NUP107: variants seen among roughly 807,000 people sequenced by gnomAD.
NUP107 encodes nuclear pore complex protein Nup107.
NUP107 carries 101 observed loss-of-function variants against 141.0 expected under a neutral mutation model. The ratio of observed to expected loss-of-function variants is 0.72; its 90% CI spans 0.61 to 0.84. The LOEUF (loss-of-function observed/expected upper bound fraction) is 0.84. NUP107 is among the 40% of genes least tolerant of loss of function. The pLI is 0.00. For synonymous variants in NUP107, 319 were observed against 363.9 expected (o/e 0.88, Z 1.41); for missense variants, 941 against 1,102.7 (o/e 0.85, Z 2.08).
rs1363601945 is a variant in NUP107, at chr12:68,705,775, G to A, written c.729+2991G>A. 6.7e-6 allele frequency: 5 copies of A among 743,096 alleles called. No individual in the cohort carries two copies. In the African/African-American group the frequency reaches 8.6e-5, roughly 13 times the overall value. 46.0% of individuals were successfully genotyped at this position (743,096 alleles called of 1,614,324 possible). ...CCGAATGGGCAGCAGCAGTTTCCGG[G>A]GTAGCCTGGGTGGAGACTTTGGCAG... On this transcript the variant is annotated intron_variant, in intron 8 of 27. Transcript: ENST00000229179.
At chr12:68,726,651 A>G (rs972941226) in intron 19 of NUP107, 34 bp downstream of exon 19, 2 of 1,263,668 alleles carry the variant, frequency 1.6e-6, no homozygotes, top group Non-Finnish European at 2.3e-6. Flanking sequence ...TCTTCTCTGT[A>G]ATGTTGATGC....
intron 5 of NUP107, among the ~76,000 whole-genome samples, chr12:68,696,405 C>T (rs1389690245): frequency 6.9e-6 from 1 of 144,554 alleles, no homozygotes; most frequent in Non-Finnish European, 1.5e-5. Flanking sequence ...TTATAAAAGA[C>T]TTGTAGCCAT....
rs1875822941 is a variant in NUP107 at position 68,692,075 on chromosome 12, T to C, written c.411T>C (p.Ser137=). The C allele has an allele frequency of 2.5e-6, 4 of 1,610,096 alleles. No homozygotes were observed. In the South Asian group the frequency reaches 3.3e-5, roughly 13 times the overall value. The change falls in exon 5 of 28, where the codon AGT becomes AGC. Residue 137 remains serine, a synonymous_variant. Transcript: ENST00000229179. ...GTATAACAGAAGATGTAACTATCAG[T>C]GCTGTTATGTTACGTGAGGATGATC... ...PHSITEDVTI[S]AVMLREDDPG...
chr12:68,736,138 G>C (rs1348390214), intron 26 of NUP107, among the ~76,000 whole-genome samples: 2 of 152,220 alleles, frequency 1.3e-5, no homozygotes, highest in Non-Finnish European at 2.9e-5. Context: ...GACCTGAGGA[G>C]CTGTCTGAGA....
chr12:68,744,326 A>T lies in NUP107; in HGVS notation c.*1864A>T, dbSNP rs887808245. ...CCCACTAAGGTTGTGGAATTACAAA[A>T]TTCCTTCAACCTTAGACTCTTAATT... On this transcript the variant is annotated 3_prime_UTR_variant, in exon 28 of 28. Coordinates refer to ENST00000229179, the MANE Select transcript of NUP107 (RefSeq NM_020401.4). The T allele has an allele frequency of 6.6e-6, 1 of 152,206 alleles. No homozygotes were observed. The highest frequency in any genetic ancestry group is 1.5e-5 in the Non-Finnish European group (1 of 68,028). 9.4% of individuals were successfully genotyped at this position (152,206 alleles called of 1,614,324 possible).
chr12:68,713,912 T>C, intron 11 of NUP107, 104 bp downstream of exon 11: 1 of 802,524 alleles, frequency 1.2e-6, no homozygotes. Context: ...TCTAAAGGTT[T>C]GCACACACTA....
chr12:68,721,308 TGATAGA>T (rs1394033950), intron 15 of NUP107, 131 bp downstream of exon 15: 1 of 538,190 alleles, frequency 1.9e-6, no homozygotes, highest in Middle Eastern at 5.0e-4. Flanking sequence ...AGTGTAGCAA[TGATAGA>T]GATAATCATG....
chr12:68,728,421 CTTT>C (rs775566595), intron 20 of NUP107, among the ~76,000 whole-genome samples: 3 of 112,480 alleles, frequency 2.7e-5, no homozygotes, highest in Admixed American at 1.0e-4. Context: ...GAAAACCTGT[CTTT>C]TTTTTTTTTT....
Position 68,734,842 on chromosome 12 carries a change from A to T in NUP107, c.2388+9A>T. 6.2e-7 allele frequency: 1 copy of T among 1,611,044 alleles called. No homozygotes were observed. The highest frequency in any genetic ancestry group is 8.5e-7 in the Non-Finnish European group (1 of 1,179,148). ...AAGAAAAGAAATATGAAGTAAGTTA[A>T]ATATGGATCTAGGATGTGCCTACTG... is the stretch of plus-strand genomic sequence containing the variant. On this transcript the variant is annotated intron_variant, in intron 25 of 27. Transcript: ENST00000229179.
Position 68,745,037 on chromosome 12 carries a change from G to A in NUP107, c.*2575G>A, listed in dbSNP as rs1878471109. On this transcript the variant is annotated 3_prime_UTR_variant, in exon 28 of 28. Coordinates refer to ENST00000229179, the MANE Select transcript of NUP107 (RefSeq NM_020401.4). ...GCATTGCATGAAGGCTACAAAGTTG[G>A]AACAGGCATGTCCTGGGTGTGAAAG... The A allele has an allele frequency of 6.6e-6, 1 of 152,208 alleles. No individual in the cohort carries two copies. Among genetic ancestry groups the A allele is most frequent in the Admixed American group, 6.5e-5 (1 of 15,288 alleles). The allele number at this position is 152,208 out of a possible 1,614,324, so 9.4% of individuals were successfully genotyped here. A position where few individuals can be genotyped will look rare whatever the true frequency, so the allele number is the denominator to read the frequency against.
intron 8 of NUP107, among the ~76,000 whole-genome samples, chr12:68,708,538 A>G (rs1292161672): frequency 6.6e-6 from 1 of 152,068 alleles, no homozygotes; most frequent in Non-Finnish European, 1.5e-5. Flanking sequence ...ATCAACTTCT[A>G]TATAGACTAT....
intron 10 of NUP107, among the ~76,000 whole-genome samples, chr12:68,712,070 C>T (rs1876880908): frequency 6.6e-6 from 1 of 151,986 alleles, no homozygotes; most frequent in African/African-American, 2.4e-5. Context: ...TATTATAGGC[C>T]CTTGAAGCCA....
At chr12:68,736,736 T>G (rs1195367906) in intron 26 of NUP107, among the ~76,000 whole-genome samples, 2 of 150,678 alleles carry the variant, frequency 1.3e-5, no homozygotes, top group Admixed American at 1.3e-4. Context: ...TTTTTTTTTT[T>G]TTTGAGAAAG....
chr12:68,718,532 A>C (rs1380474136), intron 12 of NUP107, among the ~76,000 whole-genome samples: 2 of 152,202 alleles, frequency 1.3e-5, no homozygotes, highest in African/African-American at 4.8e-5. Flanking sequence ...ATCAGAGGTC[A>C]TCAACCTCTT....
chr12:68,697,547 A>G (rs1312374644), intron 6 of NUP107, among the ~76,000 whole-genome samples: 1 of 152,180 alleles, frequency 6.6e-6, no homozygotes. Flanking sequence ...TGATGGATTG[A>G]CAGATACAGC....
At chr12:68,726,750 T>C in intron 19 of NUP107, 133 bp downstream of exon 19, 1 of 644,020 alleles carries the variant, frequency 1.6e-6, no homozygotes, top group Non-Finnish European at 2.7e-6. Flanking sequence ...CATATAGTCT[T>C]GTATAGTCAC....
chr12:68,691,813 A>G (rs1875800062), intron 4 of NUP107, among the ~76,000 whole-genome samples, 155 bp from the exon 5 acceptor site: 1 of 151,768 alleles, frequency 6.6e-6, no homozygotes, highest in East Asian at 1.9e-4. Context: ...CAGCCTGGGC[A>G]ACAGATCCAG....
At position 68,696,914 on chromosome 12, in the gene NUP107, G is replaced by A. The variant is rs1350266425; in HGVS notation, c.544G>A (p.Gly182Ser). 2 of 1,589,154 alleles carry A rather than the reference G, an allele frequency of 1.3e-6. No individual in the cohort carries two copies. The highest frequency in any genetic ancestry group is 1.1e-5 in the South Asian group (1 of 88,678). Residue 182 changes from glycine to serine, a missense_variant, in exon 6 of 28, where the codon GGT (glycine) becomes AGT (serine). Gly to Ser is a moderately conservative substitution (Grantham distance 56, BLOSUM62 0). Transcript: ENST00000229179. ...TGTGGAAGAGTATGAAAACATCTGTGGTAGTCAGGTAAGCTAATTTCACTC... is the reference window on the plus strand; with the variant it reads ...TGTGGAAGAGTATGAAAACATCTGTAGTAGTCAGGTAAGCTAATTTCACTC... Reference protein sequence around the residue: ...DLVEEYENICGSQVNILSKIV... With the variant: ...DLVEEYENICSSQVNILSKIV...
intron 5 of NUP107, 126 bp from the exon 6 acceptor site, chr12:68,696,693 A>T: frequency 1.7e-6 from 1 of 577,734 alleles, no homozygotes; most frequent in South Asian, 2.4e-5. Flanking sequence ...ACCCTGGACA[A>T]CAAGAGTGAA....
Sources: allele counts gnomAD v4.1 joint callset (sites outside exome capture counted in the v4.1 genomes callset), GRCh38; gene constraint gnomAD v4.1.1; transcripts MANE v1.5; gene names NCBI Gene and HGNC (gene_info 2026-07-23, HGNC 2026-07-21).